ARHGAP32: variants seen among roughly 807,000 people sequenced by gnomAD.
ARHGAP32 encodes rho GTPase-activating protein 32.
Under a neutral mutation model 186.5 loss-of-function variants are expected in ARHGAP32, and 51 were observed. The ratio of observed to expected loss-of-function variants is 0.27; its 90% CI spans 0.22 to 0.35. ARHGAP32 has a LOEUF of 0.35. Ranked by LOEUF, ARHGAP32 falls within the 10% of genes least tolerant of loss-of-function variation. The pLI, the probability that ARHGAP32 is intolerant of heterozygous loss-of-function variation, is 1.00. For synonymous variants in ARHGAP32, 950 were observed against 964.3 expected, an observed-to-expected ratio of 0.99 and a Z score of 0.27; for missense variants, 2,186 against 2,623.5, an observed-to-expected ratio of 0.83 and a Z score of 3.64.
chr11:129,146,095 A>C (rs745393353), intron 2 of ARHGAP32, among the ~76,000 whole-genome samples: 8 of 152,186 alleles, frequency 5.3e-5, no homozygotes, highest in Non-Finnish European at 1.2e-4. Context: ...CTGAATTAAA[A>C]TTCACTCATA....
intron 15 of ARHGAP32, among the ~76,000 whole-genome samples, chr11:128,985,176 G>A (rs1035369573): frequency 1.3e-5 from 2 of 152,162 alleles, no homozygotes; most frequent in Non-Finnish European, 2.9e-5. Flanking sequence ...GTGCTACCAT[G>A]CCCGGCTAAT....
chr11:129,208,085 C>T (rs754496571), intron 1 of ARHGAP32, among the ~76,000 whole-genome samples: 7 of 152,020 alleles, frequency 4.6e-5, no homozygotes, highest in East Asian at 1.9e-4. Flanking sequence ...TCATTCCTAC[C>T]GTTTTAAAAG....
chr11:129,044,518 T>A (rs1032033315), intron 10 of ARHGAP32, among the ~76,000 whole-genome samples: 1 of 152,192 alleles, frequency 6.6e-6, no homozygotes, highest in African/African-American at 2.4e-5. Flanking sequence ...GGTTAATGCA[T>A]AAGTAAATGC....
At chr11:129,018,460 T>C (rs568733513) in intron 11 of ARHGAP32, among the ~76,000 whole-genome samples, 1 of 152,332 alleles carries the variant, frequency 6.6e-6, no homozygotes, top group African/African-American at 2.4e-5. Context: ...GTGAACTGTG[T>C]ACTTAGTATT....
intron 11 of ARHGAP32, among the ~76,000 whole-genome samples, chr11:129,028,309 G>T (rs1180104552): frequency 1.3e-5 from 2 of 152,188 alleles, no homozygotes; most frequent in Non-Finnish European, 2.9e-5. Context: ...CAAAAAAATG[G>T]TAAGTCAGTC....
chr11:129,084,134 A>G (rs1941306932), intron 6 of ARHGAP32, among the ~76,000 whole-genome samples: 1 of 152,126 alleles, frequency 6.6e-6, no homozygotes, highest in African/African-American at 2.4e-5. Context: ...TAGGCCTTAA[A>G]GAAATCTAAT....
intron 5 of ARHGAP32, among the ~76,000 whole-genome samples, chr11:129,118,577 A>G (rs1942436470): frequency 1.3e-5 from 2 of 152,064 alleles, no homozygotes; most frequent in Non-Finnish European, 2.9e-5. Context: ...AAGGAGATAC[A>G]AAAGAACCTA....
chr11:129,093,003 G>A (rs1941621700), intron 6 of ARHGAP32, among the ~76,000 whole-genome samples: 1 of 151,954 alleles, frequency 6.6e-6, no homozygotes, highest in Admixed American at 6.6e-5. Flanking sequence ...CATATTTTAA[G>A]TCTCATTAAG....
chr11:129,174,081 C>G (rs1025142172), intron 1 of ARHGAP32, among the ~76,000 whole-genome samples: 1 of 152,176 alleles, frequency 6.6e-6, no homozygotes, highest in Admixed American at 6.5e-5. Flanking sequence ...ACAGTGGGTG[C>G]GCGCACCGTG....
rs77984319 is a variant in ARHGAP32 at position 129,018,275 on chromosome 11, T to C, written c.1046-19807A>G. Among the ~76,000 whole-genome samples, 2,610 of 152,226 alleles carry C rather than the reference T, an allele frequency of 0.017. 167 individuals carry two copies. The South Asian group carries it at 0.19, about 11-fold the overall frequency. On this transcript the variant is annotated intron_variant, in intron 11 of 22. Coordinates refer to ENST00000682385, the MANE Select transcript of ARHGAP32 (RefSeq NM_001378024.1). ...GCAACTGTAATAAATGTAAGAATAC[T>C]GTAAACATATTAGATGTGAACTTCT...
At chr11:129,243,207 C>T (rs571300208) in intron 1 of ARHGAP32, among the ~76,000 whole-genome samples, 7 of 152,178 alleles carry the variant, frequency 4.6e-5, no homozygotes, top group African/African-American at 1.7e-4. Context: ...GCAATAAATC[C>T]CCAAGTCCCT....
At chr11:129,167,436 T>G (rs979233021) in intron 1 of ARHGAP32, among the ~76,000 whole-genome samples, 1 of 152,138 alleles carries the variant, frequency 6.6e-6, no homozygotes, top group East Asian at 1.9e-4. Context: ...GCAATATTAT[T>G]CATAATAGCC....
At chr11:128,979,140 G>C (rs1008532868) in intron 18 of ARHGAP32, among the ~76,000 whole-genome samples, 1 of 152,094 alleles carries the variant, frequency 6.6e-6, no homozygotes, top group Non-Finnish European at 1.5e-5. Context: ...TTTTCACAAA[G>C]ATCATTTTTA....
At chr11:128,993,533 TTTC>T (rs1014122597) in intron 12 of ARHGAP32, among the ~76,000 whole-genome samples, 6 of 151,784 alleles carry the variant, frequency 4.0e-5, no homozygotes, top group East Asian at 3.9e-4. Context: ...ATAATCATTT[TTTC>T]TTCATTTTAT....
At chr11:129,039,181 G>C (rs1047401403) in intron 11 of ARHGAP32, among the ~76,000 whole-genome samples, 12 of 152,144 alleles carry the variant, frequency 7.9e-5, no homozygotes, top group African/African-American at 2.9e-4. Flanking sequence ...TGGTGCAGCT[G>C]GCAGTTCTTC....
Position 128,970,308 on chromosome 11 carries a change from C to T in ARHGAP32, c.4905G>A (p.Lys1635=), listed in dbSNP as rs1945326428. ...AYCPRPLYQY[K]PYQSSQARSD... is the part of the protein sequence containing the mutation. Reference sequence around the variant, plus strand: ...AGCGGGCCTGGGAGGACTGATATGGCTTATATTGGTACAGAGGTCTTGGGC... The same window carrying T: ...AGCGGGCCTGGGAGGACTGATATGGTTTATATTGGTACAGAGGTCTTGGGC... The change falls in exon 23 of 23, where the codon AAG becomes AAA. Residue 1635 remains lysine (K), a synonymous_variant. Transcript: ENST00000682385. The surrounding 1 kb of genome is among the most constrained non-coding windows in gnomAD (Gnocchi z 5.8). 6.2e-7 allele frequency: 1 copy of T among 1,614,128 alleles called. No homozygotes were observed. The highest frequency in any genetic ancestry group is 8.5e-7 in the Non-Finnish European group (1 of 1,180,026).
At chr11:128,982,205 A>G (rs1945722691) in intron 15 of ARHGAP32, among the ~76,000 whole-genome samples, 1 of 152,206 alleles carries the variant, frequency 6.6e-6, no homozygotes, top group African/African-American at 2.4e-5. Flanking sequence ...GGATTTCAAC[A>G]CTTCTATGAA....
intron 1 of ARHGAP32, among the ~76,000 whole-genome samples, chr11:129,235,513 C>G (rs1944917391): frequency 6.6e-6 from 1 of 152,138 alleles, no homozygotes; most frequent in Non-Finnish European, 1.5e-5. Context: ...GGTAAAATGA[C>G]AGGGCAGCAT....
At chr11:129,060,818 A>T (rs505231) in intron 10 of ARHGAP32, among the ~76,000 whole-genome samples, 23,420 of 79,140 alleles carry the variant, frequency 0.3, 2,231 homozygotes, top group African/African-American at 0.36. Flanking sequence ...TTAAAAAAAA[A>T]TTATACATCA....
Sources: allele counts gnomAD v4.1 joint callset (sites outside exome capture counted in the v4.1 genomes callset), GRCh38; gene constraint gnomAD v4.1.1; non-coding constraint Gnocchi (gnomAD v3.1); transcripts MANE v1.5; gene names NCBI Gene and HGNC (gene_info 2026-07-23, HGNC 2026-07-21).